LSAMP: variants seen among roughly 807,000 people sequenced by gnomAD.
LSAMP encodes limbic system-associated membrane protein.
A neutral mutation model predicts 38.6 loss-of-function variants in LSAMP; 7 were observed. The ratio of observed to expected loss-of-function variants is 0.18; its 90% CI spans 0.10 to 0.34. The LOEUF is 0.34. Among genes scored for constraint, LSAMP ranks in the 10% least tolerant of loss-of-function variants. LSAMP has a pLI of 1.00. For synonymous variants in LSAMP, 154 were observed against 166.8 expected (o/e 0.92, Z 0.59); for missense variants, 313 against 420.0 (o/e 0.75, Z 2.23).
intron 1 of LSAMP, among the ~76,000 whole-genome samples, chr3:116,173,916 C>G (rs775272204): frequency 6.6e-6 from 1 of 151,644 alleles, no homozygotes; most frequent in Non-Finnish European, 1.5e-5. Context: ...ATTTCCTATC[C>G]CTTTTGAAAA....
At chr3:115,869,789 G>A (rs1485059736) in intron 3 of LSAMP, among the ~76,000 whole-genome samples, 2 of 152,066 alleles carry the variant, frequency 1.3e-5, no homozygotes, top group Admixed American at 6.6e-5. Flanking sequence ...AAATGCATAC[G>A]TCTTTTCCGA....
intron 1 of LSAMP, among the ~76,000 whole-genome samples, chr3:116,397,977 T>C (rs2048790789): frequency 6.6e-6 from 1 of 152,026 alleles, no homozygotes; most frequent in Non-Finnish European, 1.5e-5. Context: ...ATTTTTCTCA[T>C]GCTGTCTTTT....
chr3:115,839,538 G>A (rs1319281510), intron 6 of LSAMP, among the ~76,000 whole-genome samples: 2 of 152,062 alleles, frequency 1.3e-5, no homozygotes, highest in Non-Finnish European at 2.9e-5. Flanking sequence ...CTAAGAAATA[G>A]TGCAATAGAT....
chr3:116,111,691 G>T (rs1708620149), intron 1 of LSAMP, among the ~76,000 whole-genome samples: 1 of 151,888 alleles, frequency 6.6e-6, no homozygotes, highest in Non-Finnish European at 1.5e-5. Context: ...GCACAGATTT[G>T]CAAGACCATG....
intron 4 of LSAMP, among the ~76,000 whole-genome samples, chr3:115,843,434 A>C (rs1935059843): frequency 6.6e-6 from 1 of 152,232 alleles, no homozygotes; most frequent in Non-Finnish European, 1.5e-5. Flanking sequence ...TATAGACTCA[A>C]GCTCCTGAAC....
At chr3:116,263,905 C>T (rs2046862295) in intron 1 of LSAMP, among the ~76,000 whole-genome samples, 1 of 152,054 alleles carries the variant, frequency 6.6e-6, no homozygotes, top group African/African-American at 2.4e-5. Flanking sequence ...GGCTTCTTTA[C>T]TTAGAGGAGA....
At chr3:116,114,223 A>C (rs75924095) in intron 1 of LSAMP, among the ~76,000 whole-genome samples, 1 of 152,242 alleles carries the variant, frequency 6.6e-6, no homozygotes, top group East Asian at 1.9e-4. Flanking sequence ...GGTATTCTTC[A>C]CTAATGAATA....
intron 1 of LSAMP, among the ~76,000 whole-genome samples, chr3:116,376,909 A>C (rs1022566628): frequency 2.0e-5 from 3 of 152,070 alleles, no homozygotes; most frequent in African/African-American, 7.2e-5. Flanking sequence ...AGCCATCAAC[A>C]AAATTTGTCT....
At chr3:116,109,548 C>A (rs567541962) in intron 1 of LSAMP, among the ~76,000 whole-genome samples, 4 of 152,086 alleles carry the variant, frequency 2.6e-5, no homozygotes, top group Non-Finnish European at 5.9e-5. Context: ...GCACCTCAGA[C>A]CATTTGCTCA....
chr3:115,961,943 T>C (rs554398724), intron 3 of LSAMP, among the ~76,000 whole-genome samples: 2 of 152,306 alleles, frequency 1.3e-5, no homozygotes, highest in South Asian at 2.1e-4. Context: ...GCCTAAAAGA[T>C]AGCTGCATGG....
At chr3:116,195,176 C>A (rs1325572908) in intron 1 of LSAMP, among the ~76,000 whole-genome samples, 1 of 152,206 alleles carries the variant, frequency 6.6e-6, no homozygotes, top group African/African-American at 2.4e-5. Context: ...ACTCCAGTAA[C>A]CCCAATTCCC....
chr3:116,399,132 T>C (rs2048807540), intron 1 of LSAMP, among the ~76,000 whole-genome samples: 1 of 152,174 alleles, frequency 6.6e-6, no homozygotes, highest in Non-Finnish European at 1.5e-5. Context: ...TGATTTAAAA[T>C]AAGACTAGAG....
intron 3 of LSAMP, among the ~76,000 whole-genome samples, chr3:115,958,495 A>C (rs964976698): frequency 6.6e-6 from 1 of 152,130 alleles, no homozygotes; most frequent in Non-Finnish European, 1.5e-5. Flanking sequence ...GTTTGCTCAG[A>C]CATTATAAAT....
chr3:116,128,775 C>T (rs144816147), intron 1 of LSAMP, among the ~76,000 whole-genome samples: 45 of 151,904 alleles, frequency 3.0e-4, no homozygotes, highest in Admixed American at 9.8e-4. Flanking sequence ...TCTTCAGCTA[C>T]GATTAAGAAG....
At chr3:116,332,942 T>TA (rs2047869751) in intron 1 of LSAMP, among the ~76,000 whole-genome samples, 1 of 151,946 alleles carries the variant, frequency 6.6e-6, no homozygotes, top group Admixed American at 6.6e-5. Context: ...TAGGAAGATA[T>TA]AAAAATTATA....
intron 1 of LSAMP, among the ~76,000 whole-genome samples, chr3:116,374,080 A>T (rs2107794544): frequency 6.6e-6 from 1 of 152,070 alleles, no homozygotes; most frequent in Non-Finnish European, 1.5e-5. Context: ...ATCTTATATA[A>T]AAGAAAACGC....
chr3:116,117,840 ACT>A (rs1708786310), intron 1 of LSAMP, among the ~76,000 whole-genome samples: 1 of 151,898 alleles, frequency 6.6e-6, no homozygotes, highest in Non-Finnish European at 1.5e-5. Flanking sequence ...GTCACTATTG[ACT>A]CTGACCTGGA....
intron 2 of LSAMP, among the ~76,000 whole-genome samples, chr3:116,067,597 G>T (rs1487585362): frequency 2.6e-5 from 4 of 152,194 alleles, no homozygotes; most frequent in East Asian, 1.9e-4. Context: ...CCTGGTTGTT[G>T]CTGCCCCATC....
intron 2 of LSAMP, among the ~76,000 whole-genome samples, chr3:116,084,540 A>T (rs1707946436): frequency 6.6e-6 from 1 of 152,026 alleles, no homozygotes; most frequent in Non-Finnish European, 1.5e-5. Context: ...TTGGCACTCA[A>T]CTATTCCCTG....
Sources: allele counts gnomAD v4.1 joint callset (sites outside exome capture counted in the v4.1 genomes callset), GRCh38; gene constraint gnomAD v4.1.1; transcripts MANE v1.5; gene names NCBI Gene and HGNC (gene_info 2026-07-23, HGNC 2026-07-21).